The following FDCSP variants were observed in gnomAD, a reference collection of about 807,000 sequenced individuals.
The protein encoded by FDCSP is follicular dendritic cell secreted protein.
A neutral mutation model predicts 8.9 loss-of-function variants in FDCSP; 8 were observed. That is an observed-to-expected ratio of 0.90 (90% CI 0.53 to 1.63). The LOEUF is 1.63. FDCSP is among the 40% of genes most tolerant of loss of function. The pLI, the probability that FDCSP is intolerant of heterozygous loss-of-function variation, is 0.00. For missense variants in FDCSP, 101 were observed against 103.6 expected, an observed-to-expected ratio of 0.98 and a Z score of 0.11; for synonymous variants, 34 against 34.5, an observed-to-expected ratio of 0.98 and a Z score of 0.06.
intron 2 of FDCSP, among the ~76,000 whole-genome samples, chr4:70,231,685 T>C (rs971049342): frequency 1.8e-4 from 28 of 151,862 alleles, no homozygotes; most frequent in Non-Finnish European, 3.8e-4. Context: ...GTATTAATTA[T>C]ACTATGCTTT....
At position 70,233,751 on chromosome 4, in the gene FDCSP, T is replaced by G. The variant is rs1730126621; in HGVS notation, c.91-269T>G. On this transcript the variant is annotated intron_variant, in intron 3 of 4. Coordinates refer to ENST00000317987, the MANE Select transcript of FDCSP (RefSeq NM_152997.4). ...ATTTTATGGTACCGCAACACCACATTCATCTTGGCCTTGTAGGTAAAGAAG... is the reference window on the plus strand; with the variant it reads ...ATTTTATGGTACCGCAACACCACATGCATCTTGGCCTTGTAGGTAAAGAAG... 2.6e-5 allele frequency among the ~76,000 whole-genome samples: 4 copies of G among 151,588 alleles called. No individual in the cohort carries two copies. In the South Asian group the frequency reaches 8.3e-4, roughly 31 times the overall value.
intron 1 of FDCSP, among the ~76,000 whole-genome samples, chr4:70,229,286 T>G (rs1730041137): frequency 6.6e-6 from 1 of 151,760 alleles, no homozygotes; most frequent in Non-Finnish European, 1.5e-5. Context: ...CATAGGGGCC[T>G]TCTTCTAGAT....
At chr4:70,233,516 G>T (rs987239135) in intron 3 of FDCSP, among the ~76,000 whole-genome samples, 4 of 151,492 alleles carry the variant, frequency 2.6e-5, no homozygotes, top group Non-Finnish European at 4.4e-5. Context: ...TTGTTTAAAG[G>T]TTTGTTTTTA....
intron 1 of FDCSP, among the ~76,000 whole-genome samples, chr4:70,226,980 C>T (rs1243755526): frequency 6.6e-6 from 1 of 151,874 alleles, no homozygotes; most frequent in Non-Finnish European, 1.5e-5. Flanking sequence ...CTCTCCAAAA[C>T]TATTTTCTCA....
At chr4:70,226,976 A>G (rs562051500) in intron 1 of FDCSP, among the ~76,000 whole-genome samples, 1 of 152,014 alleles carries the variant, frequency 6.6e-6, no homozygotes, top group South Asian at 2.1e-4. Flanking sequence ...TATTCTCTCC[A>G]AAACTATTTT....
chr4:70,230,765 G>A (rs561216730), intron 1 of FDCSP, among the ~76,000 whole-genome samples: 6 of 151,688 alleles, frequency 4.0e-5, no homozygotes, highest in South Asian at 2.1e-4. Flanking sequence ...CTAAATAACC[G>A]CTTACTTCCA....
chr4:70,232,920 T>C, intron 2 of FDCSP, 74 bp from the exon 3 acceptor site: 1 of 1,171,486 alleles, frequency 8.5e-7, no homozygotes, highest in South Asian at 1.4e-5. Flanking sequence ...TAATAGATTG[T>C]CATGCATATG....
intron 1 of FDCSP, among the ~76,000 whole-genome samples, chr4:70,229,746 A>G (rs183112318): frequency 5.9e-5 from 9 of 151,792 alleles, no homozygotes; most frequent in Admixed American, 5.3e-4. Context: ...TTTGCCACTT[A>G]TTTTTCCCAT....
chr4:70,234,667 C>A (rs1730147255), intron 4 of FDCSP, among the ~76,000 whole-genome samples: 2 of 151,302 alleles, frequency 1.3e-5, no homozygotes, highest in Admixed American at 1.3e-4. Context: ...CCAAGTGTCA[C>A]ATTATAGTAA....
rs77378221 is a variant in FDCSP, at chr4:70,233,008, G to A, written c.72G>A (p.Gln24=). 5.2e-4 allele frequency: 825 copies of A among 1,593,236 alleles called. 7 individuals are homozygous for A. The African/African-American group carries it at 0.01, about 19-fold the overall frequency. The change falls in exon 3 of 5, where the codon CAG becomes CAA. Residue 24 remains glutamine (Q), a synonymous_variant. Coordinates refer to ENST00000317987, the MANE Select transcript of FDCSP (RefSeq NM_152997.4). ...TTGATCTTTAGGTCTCTCAAGACCA[G>A]GAACGAGAAAAAAGAAGTGTAAGTT... is the stretch of plus-strand genomic sequence containing the variant. The part of the protein sequence containing the change: ...VAVGFPVSQD[Q]EREKRSISDS...
At chr4:70,234,519 C>T (rs547364180) in intron 4 of FDCSP, among the ~76,000 whole-genome samples, 62 of 151,654 alleles carry the variant, frequency 4.1e-4, no homozygotes, top group African/African-American at 1.4e-3. Flanking sequence ...TTGTCAATAA[C>T]TGCATTTTGG....
intron 2 of FDCSP, among the ~76,000 whole-genome samples, 171 bp from the exon 3 acceptor site, chr4:70,232,823 T>A (rs1730108996): frequency 6.6e-6 from 1 of 151,656 alleles, no homozygotes; most frequent in African/African-American, 2.4e-5. Flanking sequence ...TAAGAATACA[T>A]GTTAAGACTT....
intron 2 of FDCSP, 118 bp from the exon 3 acceptor site, chr4:70,232,876 T>G (rs963826824): frequency 2.2e-6 from 2 of 895,330 alleles, no homozygotes; most frequent in African/African-American, 1.7e-5. Context: ...ATTATGGGTA[T>G]TTTAAAAAAT....
rs752560750 is a variant in FDCSP at position 70,231,270 on chromosome 4, A to G, written c.57+19A>G. 6.3e-7 allele frequency: 1 copy of G among 1,578,800 alleles called. No individual in the cohort carries two copies. Among genetic ancestry groups the G allele is most frequent in the South Asian group, 1.2e-5 (1 of 86,304 alleles). ...TTTCCCAGTAAGTATCCACGTATAC[A>G]TTCCAAAATATTTATGTATGGCCAT... On this transcript the variant is annotated intron_variant, in intron 2 of 4. Coordinates refer to ENST00000317987, the MANE Select transcript of FDCSP (RefSeq NM_152997.4).
intron 1 of FDCSP, among the ~76,000 whole-genome samples, chr4:70,227,584 A>T (rs55730802): frequency 1.3e-5 from 2 of 148,950 alleles, no homozygotes; most frequent in Middle Eastern, 3.2e-3. Context: ...AATAGTCTTT[A>T]AAAAGCTTTG....
intron 3 of FDCSP, among the ~76,000 whole-genome samples, 166 bp from the exon 4 acceptor site, chr4:70,233,854 A>T (rs1013831305): frequency 6.6e-6 from 1 of 151,646 alleles, no homozygotes; most frequent in African/African-American, 2.4e-5. Context: ...AAATGATGCA[A>T]ATTAATAAAC....
At chr4:70,230,066 T>A (rs747346338) in intron 1 of FDCSP, among the ~76,000 whole-genome samples, 4 of 151,692 alleles carry the variant, frequency 2.6e-5, no homozygotes, top group Non-Finnish European at 5.9e-5. Flanking sequence ...TGCCTGTATA[T>A]ACACAACACC....
chr4:70,227,691 G>T (rs1407695797), intron 1 of FDCSP, among the ~76,000 whole-genome samples: 1 of 151,676 alleles, frequency 6.6e-6, no homozygotes, highest in East Asian at 2.0e-4. Flanking sequence ...CAGAGATACT[G>T]CAGGTTCAGT....
rs148962714 is a variant in FDCSP, at chr4:70,226,663, A to C, written c.-1+481A>C. On this transcript the variant is annotated intron_variant, in intron 1 of 4. Transcript: ENST00000317987. ...TCCATAACATTTTATGTTGATTTTAATATAAAAGTCATTTGTCTTTCCCAT... is the reference window on the plus strand; with the variant it reads ...TCCATAACATTTTATGTTGATTTTACTATAAAAGTCATTTGTCTTTCCCAT... Among the ~76,000 whole-genome samples, 1,116 of 152,010 alleles carry C rather than the reference A, an allele frequency of 7.3e-3. 12 individuals are homozygous for C. The highest frequency in any genetic ancestry group is 0.025 in the African/African-American group (1,053 of 41,518).
Sources: allele counts gnomAD v4.1 joint callset (sites outside exome capture counted in the v4.1 genomes callset), GRCh38; gene constraint gnomAD v4.1.1; transcripts MANE v1.5; gene names NCBI Gene and HGNC (gene_info 2026-07-23, HGNC 2026-07-21).